The following ZDHHC21 variants were observed in gnomAD, a reference collection of about 807,000 sequenced individuals.
The protein encoded by ZDHHC21 is palmitoyltransferase ZDHHC21.
In ZDHHC21, 15 loss-of-function variants were observed where a neutral mutation model predicts 34.6. The observed-to-expected ratio is 0.43, with a 90% CI of 0.29 to 0.67. ZDHHC21 has a LOEUF of 0.67. Ranked by LOEUF, ZDHHC21 falls within the 30% of genes least tolerant of loss-of-function variation. ZDHHC21 has a pLI of 0.14. For missense variants in ZDHHC21, 344 were observed against 327.7 expected (o/e 1.05, Z -0.38); for synonymous variants, 142 against 101.8 (o/e 1.40, Z -2.38).
chr9:14,686,511 T>A (rs1265260674), intron 2 of ZDHHC21, among the ~76,000 whole-genome samples: 1 of 152,242 alleles, frequency 6.6e-6, no homozygotes, highest in East Asian at 1.9e-4. Context: ...TTTCCCTTTA[T>A]ACATTTGTGG....
rs1249139136 is a variant in ZDHHC21 at position 14,612,353 on chromosome 9, G to T, written c.*6613C>A. ...CCAATATACACACTGTCACCTTCTTGCCAGAATGATTAACCATTTTAGCTG... is the reference window on the plus strand; with the variant it reads ...CCAATATACACACTGTCACCTTCTTTCCAGAATGATTAACCATTTTAGCTG... On this transcript the variant is annotated 3_prime_UTR_variant, in exon 10 of 10. Transcript: ENST00000380916. 1 of 151,836 alleles carries T rather than the reference G, an allele frequency of 6.6e-6. No homozygotes were observed. Among genetic ancestry groups the T allele is most frequent in the Non-Finnish European group, 1.5e-5 (1 of 67,918 alleles). The allele number at this position is 151,836 out of a possible 1,614,324, so 9.4% of individuals were successfully genotyped here.
rs761977540 is a variant in ZDHHC21 at position 14,614,737 on chromosome 9, G to A, written c.*4229C>T. Reference sequence around the variant, plus strand: ...TACTAGCAAGTAGAACACATTAAATGTACATGGCTTATTTGCTACACTTAC... The same window carrying A: ...TACTAGCAAGTAGAACACATTAAATATACATGGCTTATTTGCTACACTTAC... On this transcript the variant is annotated 3_prime_UTR_variant, in exon 10 of 10. Coordinates refer to ENST00000380916, the MANE Select transcript of ZDHHC21 (RefSeq NM_178566.6). 3 of 151,670 alleles carry A rather than the reference G, an allele frequency of 2.0e-5. No homozygotes were observed. The East Asian group carries it at 5.8e-4, about 29-fold the overall frequency. 9.4% of individuals were successfully genotyped at this position (151,670 alleles called of 1,614,324 possible).
At chr9:14,625,479 T>A (rs1826041134) in intron 8 of ZDHHC21, among the ~76,000 whole-genome samples, 1 of 152,022 alleles carries the variant, frequency 6.6e-6, no homozygotes, top group Non-Finnish European at 1.5e-5. Context: ...AAATGCCACT[T>A]TCTGACTGTA....
intron 7 of ZDHHC21, among the ~76,000 whole-genome samples, chr9:14,648,719 T>C (rs1830692218): frequency 6.6e-6 from 1 of 152,116 alleles, no homozygotes; most frequent in Non-Finnish European, 1.5e-5. Context: ...TTTTAGAGCC[T>C]AGACGAAGGG....
Position 14,684,738 on chromosome 9 carries a change from T to C in ZDHHC21, c.-175-4576A>G, listed in dbSNP as rs142953660. Among the ~76,000 whole-genome samples, 769 of 152,252 alleles carry C rather than the reference T, an allele frequency of 5.1e-3. 8 individuals carry two copies. Among genetic ancestry groups the C allele is most frequent in the African/African-American group, 0.017 (720 of 41,566 alleles). On this transcript the variant is annotated intron_variant, in intron 2 of 9. Transcript: ENST00000380916. ...ATATGGAACCAAAAAAGAACCCGCATTGCCAAGTCAATCCTAAGCAAAAAA... is the reference window on the plus strand; with the variant it reads ...ATATGGAACCAAAAAAGAACCCGCACTGCCAAGTCAATCCTAAGCAAAAAA...
Position 14,619,699 on chromosome 9 carries a change from A to C in ZDHHC21, c.622-17T>G. ...TGTTGTATCCTATTAAAAATAAAAA[A>C]TTATATTCAGATGTAAGAAAGTTAT... is the stretch of plus-strand genomic sequence containing the variant. On this transcript the variant is annotated splice_polypyrimidine_tract_variant and intron_variant, in intron 8 of 9. Transcript: ENST00000380916. The C allele has an allele frequency of 7.7e-7, 1 of 1,298,150 alleles. No individual in the cohort carries two copies. The highest frequency in any genetic ancestry group is 1.1e-6 in the Non-Finnish European group (1 of 941,326). 80.4% of individuals were successfully genotyped at this position (1,298,150 alleles called of 1,614,324 possible). A position where few individuals can be genotyped will look rare whatever the true frequency, so the allele number is the denominator to read the frequency against.
intron 5 of ZDHHC21, among the ~76,000 whole-genome samples, chr9:14,664,611 T>C (rs10124938): frequency 0.94 from 140,687 of 149,448 alleles, 66,299 homozygotes; most frequent in Non-Finnish European, 0.96. Context: ...ATGTCCCTGA[T>C]AGCTTTGAAG....
At chr9:14,632,379 G>A (rs1021794856) in intron 8 of ZDHHC21, among the ~76,000 whole-genome samples, 11 of 151,924 alleles carry the variant, frequency 7.2e-5, no homozygotes, top group African/African-American at 2.4e-4. Context: ...ATGGTGCTGG[G>A]ACAACTAGGT....
chr9:14,642,392 C>A (rs1167325340), intron 7 of ZDHHC21, among the ~76,000 whole-genome samples: 22 of 152,044 alleles, frequency 1.4e-4, no homozygotes, highest in Admixed American at 1.3e-3. Flanking sequence ...AAATTTTTAT[C>A]CAAATCACAG....
the ZDHHC21 span, among the ~76,000 whole-genome samples, chr9:14,590,467 C>A: frequency 3.3e-5 from 5 of 151,748 alleles, no homozygotes; most frequent in Non-Finnish European, 7.4e-5. Context: ...CATACTTAAA[C>A]TACTAAAAAC....
chr9:14,635,298 G>A (rs925871691), intron 8 of ZDHHC21, among the ~76,000 whole-genome samples: 1 of 152,184 alleles, frequency 6.6e-6, no homozygotes, highest in Admixed American at 6.5e-5. Flanking sequence ...CTCAAGTCTA[G>A]CAAGTGATCA....
At chr9:14,592,035 T>A in the ZDHHC21 span, among the ~76,000 whole-genome samples, 3 of 152,128 alleles carry the variant, frequency 2.0e-5, no homozygotes, top group Admixed American at 6.6e-5. Flanking sequence ...TTTACTCCAT[T>A]TACATCAAAG....
chr9:14,648,207 A>T (rs1830607395), intron 7 of ZDHHC21, among the ~76,000 whole-genome samples: 1 of 152,116 alleles, frequency 6.6e-6, no homozygotes, highest in African/African-American at 2.4e-5. Flanking sequence ...GACCACTTGT[A>T]AACGCTTCTA....
At chr9:14,628,063 C>A (rs944672154) in intron 8 of ZDHHC21, among the ~76,000 whole-genome samples, 3 of 152,040 alleles carry the variant, frequency 2.0e-5, no homozygotes, top group Non-Finnish European at 2.9e-5. Flanking sequence ...GTAGTAAAAA[C>A]GCACAAAAAC....
intron 8 of ZDHHC21, among the ~76,000 whole-genome samples, chr9:14,633,184 T>C (rs115288956): frequency 0.011 from 1,709 of 152,158 alleles, 35 homozygotes; most frequent in African/African-American, 0.038. Context: ...GAGTAGATAA[T>C]CACACGTAAA....
the ZDHHC21 span, among the ~76,000 whole-genome samples, chr9:14,597,468 G>A: frequency 5.5e-4 from 83 of 152,136 alleles, no homozygotes; most frequent in Non-Finnish European, 1.3e-4. Flanking sequence ...ATCTGAGAGC[G>A]GCCTGCCTTG....
the ZDHHC21 span, among the ~76,000 whole-genome samples, chr9:14,602,244 C>G: frequency 4.6e-5 from 7 of 151,658 alleles, no homozygotes; most frequent in East Asian, 1.4e-3. Context: ...TAGACTAGAT[C>G]AAGCAGAAGA....
intron 8 of ZDHHC21, among the ~76,000 whole-genome samples, chr9:14,633,193 A>C (rs1226382745): frequency 6.6e-6 from 1 of 152,202 alleles, no homozygotes; most frequent in Admixed American, 6.5e-5. Flanking sequence ...ATCACACGTA[A>C]AATATATCAT....
chr9:14,686,980 CA>C (rs35113029), intron 2 of ZDHHC21, among the ~76,000 whole-genome samples: 2 of 142,744 alleles, frequency 1.4e-5, no homozygotes, highest in African/African-American at 2.8e-5. Flanking sequence ...CTCAAAAAAA[CA>C]AAAAAAAAAA....
Sources: gnomAD v4.1 joint callset for allele counts (sites outside exome capture counted in the v4.1 genomes callset) on GRCh38, gnomAD v4.1.1 for gene constraint, MANE v1.5 for transcripts, NCBI Gene and HGNC (gene_info 2026-07-23, HGNC 2026-07-21) for gene names.